Variants in SRGAP1 observed in about 807,000 individuals in gnomAD.
SRGAP1 encodes SLIT-ROBO Rho GTPase-activating protein 1.
In SRGAP1, 43 loss-of-function variants were observed where a neutral mutation model predicts 121.9. That is an observed-to-expected ratio of 0.35 (90% CI 0.28 to 0.46). The LOEUF is 0.46. Ranked by LOEUF, SRGAP1 falls within the 20% of genes least tolerant of loss-of-function variation. SRGAP1 has a pLI of 1.00. For synonymous variants in SRGAP1, 447 were observed against 485.4 expected, an observed-to-expected ratio of 0.92 and a Z score of 1.04; for missense variants, 1,102 against 1,350.9, an observed-to-expected ratio of 0.82 and a Z score of 2.89.
At chr12:63,978,510 G>T (rs1197280410) in intron 1 of SRGAP1, among the ~76,000 whole-genome samples, 1 of 152,062 alleles carries the variant, frequency 6.6e-6, no homozygotes, top group Non-Finnish European at 1.5e-5. Context: ...TGTTTTCAAG[G>T]TTCATCCATG....
chr12:64,011,737 T>C (rs1241331253), intron 3 of SRGAP1, among the ~76,000 whole-genome samples: 2 of 152,164 alleles, frequency 1.3e-5, no homozygotes, highest in African/African-American at 4.8e-5. Context: ...AATTATATAA[T>C]TACATGTAAA....
chr12:63,872,834 A>G (rs1038706535), intron 1 of SRGAP1, among the ~76,000 whole-genome samples: 3 of 152,238 alleles, frequency 2.0e-5, no homozygotes, highest in Admixed American at 1.3e-4. Flanking sequence ...AAGATTTGCC[A>G]TAGAGTCTGT....
At chr12:63,846,894 G>C (rs1253436396) in intron 1 of SRGAP1, among the ~76,000 whole-genome samples, 1 of 152,252 alleles carries the variant, frequency 6.6e-6, no homozygotes, top group Non-Finnish European at 1.5e-5. Flanking sequence ...ATCAAGAAGA[G>C]AGTGGGAGAC....
intron 12 of SRGAP1, 116 bp from the exon 13 acceptor site, chr12:64,094,816 G>A (rs1453079447): frequency 2.1e-6 from 2 of 963,820 alleles, no homozygotes; most frequent in East Asian, 4.8e-5. Flanking sequence ...ATTTAACTTG[G>A]TTTGCTCCAG....
intron 1 of SRGAP1, among the ~76,000 whole-genome samples, chr12:63,898,223 G>C (rs1900818339): frequency 6.6e-6 from 1 of 152,204 alleles, no homozygotes; most frequent in South Asian, 2.1e-4. Context: ...TGGTGGAAAG[G>C]AAGCTTGTTG....
intron 1 of SRGAP1, among the ~76,000 whole-genome samples, chr12:63,954,464 G>A (rs954166013): frequency 3.9e-5 from 6 of 152,008 alleles, no homozygotes; most frequent in Non-Finnish European, 7.4e-5. Flanking sequence ...GGATCACGAG[G>A]TCAGGAGATC....
In SRGAP1 at chr12:64,152,889, G is replaced by C. The variant is rs2037132032; in HGVS notation, c.*10217G>C. The C allele has an allele frequency of 7.3e-6, 1 of 137,600 alleles. No homozygotes were observed. The highest frequency in any genetic ancestry group is 2.6e-4 in the South Asian group (1 of 3,834). 8.5% of individuals were successfully genotyped at this position (137,600 alleles called of 1,614,324 possible). A position where few individuals can be genotyped will look rare whatever the true frequency, so the allele number is the denominator to read the frequency against. On this transcript the variant is annotated 3_prime_UTR_variant, in exon 22 of 22. Transcript: ENST00000355086. ...GACACACAGGGCTCCTGGTCTCATG[G>C]AGTGTACTTCCTGGTATGATTTAAA...
chr12:63,951,152 C>CTTTTTTTTTTTTTT lies in SRGAP1; in HGVS notation c.68-32779_68-32766dup, dbSNP rs58637983. On this transcript the variant is annotated intron_variant, in intron 1 of 21. Coordinates refer to ENST00000355086, the MANE Select transcript of SRGAP1 (RefSeq NM_020762.4). Reference sequence around the variant, plus strand: ...GGGCTGGTCCATGCCATTTAGAACTCTTTTTTTTTTTTTTTTTTTTTTTTT... The same window carrying CTTTTTTTTTTTTTT: ...GGGCTGGTCCATGCCATTTAGAACTCTTTTTTTTTTTTTTTTTTTTTTTTTTTTTTTTTTTTTTT... Among the ~76,000 whole-genome samples, 21 of 44,184 alleles carry CTTTTTTTTTTTTTT rather than the reference C, an allele frequency of 4.8e-4. 3 individuals carry two copies. Among genetic ancestry groups the CTTTTTTTTTTTTTT allele is most frequent in the African/African-American group, 1.7e-3 (20 of 11,920 alleles). 29.0% of individuals were successfully genotyped at this position (44,184 alleles called of 152,430 possible). A position where few individuals can be genotyped will look rare whatever the true frequency, so the allele number is the denominator to read the frequency against.
Position 64,142,948 on chromosome 12 carries a change from G to A in SRGAP1, c.*276G>A. 1 of 413,700 alleles carries A rather than the reference G, an allele frequency of 2.4e-6. No homozygotes were observed. The highest frequency in any genetic ancestry group is 4.4e-6 in the Non-Finnish European group (1 of 225,540). 25.6% of individuals were successfully genotyped at this position (413,700 alleles called of 1,614,324 possible). ...CCAATGCTGCACCACTTGTAATGAA[G>A]GCAACACCGCTCTCCACATTGTACA... is the stretch of plus-strand genomic sequence containing the variant. On this transcript the variant is annotated 3_prime_UTR_variant, in exon 22 of 22. Coordinates refer to ENST00000355086, the MANE Select transcript of SRGAP1 (RefSeq NM_020762.4).
At chr12:63,937,681 TA>T (rs760638006) in intron 1 of SRGAP1, among the ~76,000 whole-genome samples, 1 of 152,214 alleles carries the variant, frequency 6.6e-6, no homozygotes, top group Non-Finnish European at 1.5e-5. Flanking sequence ...GTGAGAACAA[TA>T]AACGGCCTTT....
intron 1 of SRGAP1, among the ~76,000 whole-genome samples, chr12:63,904,791 C>G (rs957802701): frequency 6.6e-6 from 1 of 151,988 alleles, no homozygotes; most frequent in Non-Finnish European, 1.5e-5. Flanking sequence ...AAAAATTAGC[C>G]AGGCATAATG....
At chr12:64,017,073 A>G (rs1593046434) in intron 4 of SRGAP1, 61 bp downstream of exon 4, 1 of 977,812 alleles carries the variant, frequency 1.0e-6, no homozygotes, top group East Asian at 2.5e-5. Flanking sequence ...GTTTGTAAAA[A>G]CACTGCTCAT....
At chr12:64,023,216 A>G (rs2034588202) in intron 4 of SRGAP1, among the ~76,000 whole-genome samples, 1 of 151,026 alleles carries the variant, frequency 6.6e-6, no homozygotes, top group South Asian at 2.1e-4. Flanking sequence ...AAAAAAAAAA[A>G]AAAAAAAAAA....
chr12:64,135,338 T>G (rs1467053702), intron 21 of SRGAP1, among the ~76,000 whole-genome samples: 1 of 152,156 alleles, frequency 6.6e-6, no homozygotes, highest in Non-Finnish European at 1.5e-5. Context: ...TCGTGTCTGG[T>G]TCTCCATAAT....
intron 4 of SRGAP1, among the ~76,000 whole-genome samples, chr12:64,031,492 A>T (rs1419584216): frequency 6.6e-6 from 1 of 152,134 alleles, no homozygotes; most frequent in Admixed American, 6.5e-5. Flanking sequence ...GAGGGCACAT[A>T]AACCAACCAC....
At chr12:63,990,291 T>C (rs893854546) in intron 3 of SRGAP1, among the ~76,000 whole-genome samples, 1 of 152,206 alleles carries the variant, frequency 6.6e-6, no homozygotes, top group Non-Finnish European at 1.5e-5. Context: ...CCCAGCACTT[T>C]GGGAGGCTGA....
intron 3 of SRGAP1, among the ~76,000 whole-genome samples, chr12:63,995,350 A>C (rs10784375): frequency 0.49 from 74,823 of 151,944 alleles, 18,794 homozygotes; most frequent in African/African-American, 0.6. Context: ...AGCTGCCCAG[A>C]GAACAGGTAT....
intron 1 of SRGAP1, among the ~76,000 whole-genome samples, chr12:63,847,827 T>C (rs531313106): frequency 9.2e-5 from 14 of 152,066 alleles, no homozygotes; most frequent in Admixed American, 9.2e-4. Context: ...GTCATTTTGA[T>C]TATATGTATT....
chr12:63,939,492 C>T (rs772175226), intron 1 of SRGAP1, among the ~76,000 whole-genome samples: 3 of 151,668 alleles, frequency 2.0e-5, no homozygotes, highest in African/African-American at 4.8e-5. Context: ...ATGGAAGACC[C>T]GAAAGAAAGG....
Sources: gnomAD v4.1 joint callset for allele counts (sites outside exome capture counted in the v4.1 genomes callset) on GRCh38, gnomAD v4.1.1 for gene constraint, MANE v1.5 for transcripts, NCBI Gene and HGNC (gene_info 2026-07-23, HGNC 2026-07-21) for gene names.